The following COLEC12 variants were observed in gnomAD, a reference collection of about 807,000 sequenced individuals.
COLEC12 encodes the protein collectin subfamily member 12, also known as collectin-12.
Under a neutral mutation model 71.1 loss-of-function variants are expected in COLEC12, and 33 were observed. The ratio of observed to expected loss-of-function variants is 0.46; its 90% CI spans 0.35 to 0.62. The LOEUF is 0.62. COLEC12 is among the 20% of genes least tolerant of loss of function. The probability of loss-of-function intolerance (pLI) is 0.00; values close to 1 mark genes in which losing one functional copy is unlikely to be tolerated. For missense variants in COLEC12, 765 were observed against 916.1 expected (o/e 0.84, Z 2.13); for synonymous variants, 350 against 353.0 (o/e 0.99, Z 0.10).
At chr18:395,236 C>T (rs542446099) in intron 2 of COLEC12, among the ~76,000 whole-genome samples, 26 of 152,334 alleles carry the variant, frequency 1.7e-4, no homozygotes, top group African/African-American at 6.0e-4. Context: ...TGGCACATGG[C>T]ATGCATCAGC....
intron 1 of COLEC12, among the ~76,000 whole-genome samples, chr18:499,280 A>G (rs1343010768): frequency 3.3e-5 from 5 of 152,120 alleles, no homozygotes; most frequent in African/African-American, 9.7e-5. Context: ...CCTGGGGCAG[A>G]CCACTTTTCA....
At chr18:381,085 A>G (rs1043975559) in intron 2 of COLEC12, among the ~76,000 whole-genome samples, 1 of 152,168 alleles carries the variant, frequency 6.6e-6, no homozygotes, top group Non-Finnish European at 1.5e-5. Flanking sequence ...ATAAATGTCA[A>G]AGCAAACAGA....
At chr18:397,565 T>A (rs890987739) in intron 2 of COLEC12, among the ~76,000 whole-genome samples, 1 of 152,206 alleles carries the variant, frequency 6.6e-6, no homozygotes, top group Non-Finnish European at 1.5e-5. Context: ...CTTGTAATGG[T>A]GTCTGGCAAA....
chr18:378,510 G>GC (rs1915162277), intron 2 of COLEC12, among the ~76,000 whole-genome samples: 1 of 152,180 alleles, frequency 6.6e-6, no homozygotes, highest in Admixed American at 6.5e-5. Context: ...CAACACAGAG[G>GC]CCCACAGGGT....
At chr18:460,814 T>C (rs957234395) in intron 2 of COLEC12, among the ~76,000 whole-genome samples, 3 of 152,054 alleles carry the variant, frequency 2.0e-5, no homozygotes, top group Non-Finnish European at 2.9e-5. Context: ...TCCTGGGTTA[T>C]ACAACATAGA....
intron 2 of COLEC12, among the ~76,000 whole-genome samples, chr18:446,468 A>G (rs2621185): frequency 0.94 from 142,027 of 150,704 alleles, 67,004 homozygotes; most frequent in East Asian, 1. Flanking sequence ...TTGGGAGGCC[A>G]AAGCAGGAGG....
intron 2 of COLEC12, among the ~76,000 whole-genome samples, chr18:471,322 C>A (rs1031109787): frequency 6.6e-6 from 1 of 151,802 alleles, no homozygotes; most frequent in African/African-American, 2.4e-5. Context: ...AGATTTGGAA[C>A]TTTCTCATTT....
At chr18:358,130 A>G (rs1251908466) in intron 2 of COLEC12, among the ~76,000 whole-genome samples, 1 of 152,144 alleles carries the variant, frequency 6.6e-6, no homozygotes, top group African/African-American at 2.4e-5. Flanking sequence ...CCCCCTGTCC[A>G]TCCATGGAAA....
At chr18:409,181 T>C (rs1162738943) in intron 2 of COLEC12, among the ~76,000 whole-genome samples, 1 of 152,128 alleles carries the variant, frequency 6.6e-6, no homozygotes. Context: ...ACAGAACCAA[T>C]GAGTTTTCAC....
intron 8 of COLEC12, among the ~76,000 whole-genome samples, chr18:328,232 T>C (rs1913890253): frequency 6.6e-6 from 1 of 152,212 alleles, no homozygotes; most frequent in East Asian, 1.9e-4. Context: ...CAGAAATCAC[T>C]GCTGGCGGCA....
chr18:434,899 T>A (rs1402187294), intron 2 of COLEC12, among the ~76,000 whole-genome samples: 1 of 152,156 alleles, frequency 6.6e-6, no homozygotes, highest in Non-Finnish European at 1.5e-5. Flanking sequence ...TATCCTTCCA[T>A]TGAACCAAAC....
rs183901085 is a variant in COLEC12 at position 480,131 on chromosome 18, G to T, written c.58+576C>A. ...TTCAGGGCCCACCCAGGTAACCCAG[G>T]ATCATCTCCCCATCTCAAGCTCTTC... On this transcript the variant is annotated intron_variant, in intron 2 of 9. Coordinates refer to ENST00000400256, the MANE Select transcript of COLEC12 (RefSeq NM_130386.3). This position sits in a 1 kb window ranked among gnomAD's most constrained non-coding sequence, Gnocchi z 4.1. Among the ~76,000 whole-genome samples the T allele has an allele frequency of 6.6e-6, 1 of 152,266 alleles. No individual in the cohort carries two copies. Among genetic ancestry groups the T allele is most frequent in the African/African-American group, 2.4e-5 (1 of 41,546 alleles).
At chr18:481,415 G>C (rs757114083) in intron 1 of COLEC12, among the ~76,000 whole-genome samples, 22 of 152,144 alleles carry the variant, frequency 1.4e-4, no homozygotes, top group Non-Finnish European at 2.6e-4. Flanking sequence ...GGAAAGAAGA[G>C]AGATGTCGGC....
intron 8 of COLEC12, among the ~76,000 whole-genome samples, chr18:323,203 G>T (rs2143407448): frequency 6.6e-6 from 1 of 152,308 alleles, no homozygotes; most frequent in South Asian, 2.1e-4. Context: ...TCCAGCCTGG[G>T]TGACAGAGCG....
chr18:364,505 C>A (rs945576389), intron 2 of COLEC12, among the ~76,000 whole-genome samples: 1 of 152,212 alleles, frequency 6.6e-6, no homozygotes, highest in African/African-American at 2.4e-5. Flanking sequence ...ACATTTTATT[C>A]TATGGGCACA....
At chr18:443,524 C>G (rs1392098003) in intron 2 of COLEC12, among the ~76,000 whole-genome samples, 1 of 152,134 alleles carries the variant, frequency 6.6e-6, no homozygotes, top group African/African-American at 2.4e-5. Flanking sequence ...TTCAGGTTTT[C>G]ATGGGAACAT....
intron 2 of COLEC12, among the ~76,000 whole-genome samples, chr18:455,013 C>G (rs1372351812): frequency 6.6e-6 from 1 of 152,178 alleles, no homozygotes; most frequent in Non-Finnish European, 1.5e-5. Context: ...TTGACGATCA[C>G]AGATGCTTCT....
chr18:455,278 C>CTT (rs33915278), intron 2 of COLEC12, among the ~76,000 whole-genome samples: 1,944 of 132,418 alleles, frequency 0.015, 36 homozygotes, highest in Non-Finnish European at 0.021. Flanking sequence ...TTATTTTACG[C>CTT]TTTTTTTTTT....
At position 378,141 on chromosome 18, in the gene COLEC12, C is replaced by T. The variant is rs536458551; in HGVS notation, c.59-20619G>A. ...AGTTGAGACTCAGTCCTGCCTGTGCCCCAACAGAGACATTTAAAAAAATAC... is the reference window on the plus strand; with the variant it reads ...AGTTGAGACTCAGTCCTGCCTGTGCTCCAACAGAGACATTTAAAAAAATAC... On this transcript the variant is annotated intron_variant, in intron 2 of 9. Coordinates refer to ENST00000400256, the MANE Select transcript of COLEC12 (RefSeq NM_130386.3). 2.6e-5 allele frequency among the ~76,000 whole-genome samples: 4 copies of T among 152,184 alleles called. No homozygotes were observed. The East Asian group carries it at 7.7e-4, about 29-fold the overall frequency.
Sources: allele counts gnomAD v4.1 joint callset (sites outside exome capture counted in the v4.1 genomes callset), GRCh38; gene constraint gnomAD v4.1.1; non-coding constraint Gnocchi (gnomAD v3.1); transcripts MANE v1.5; gene names NCBI Gene and HGNC (gene_info 2026-07-23, HGNC 2026-07-21).